The following SRPX variants were observed in gnomAD, a reference collection of about 807,000 sequenced individuals.
SRPX encodes sushi repeat containing protein X-linked.
A neutral mutation model predicts 38.1 loss-of-function variants in SRPX; 24 were observed. The observed-to-expected ratio is 0.63, with a 90% CI of 0.46 to 0.89. SRPX has a LOEUF of 0.89. Ranked by LOEUF, SRPX falls within the 40% of genes least tolerant of loss-of-function variation. SRPX has a pLI of 0.00. For synonymous variants in SRPX, 184 were observed against 153.8 expected (o/e 1.20, Z -1.45); for missense variants, 416 against 377.8 (o/e 1.10, Z -0.84).
chrX:38,159,967 A>G (rs778039972), intron 7 of SRPX, 50 bp downstream of exon 7: 51 of 1,167,170 alleles, frequency 4.4e-5, no homozygotes, highest in Non-Finnish European at 5.9e-5. Flanking sequence ...GGAATCAAGA[A>G]CCAAGGGGTT....
chrX:38,157,976 C>T (rs1016700838), intron 7 of SRPX, among the ~76,000 whole-genome samples: 4 of 112,372 alleles, frequency 3.6e-5, no homozygotes, highest in African/African-American at 1.3e-4. Flanking sequence ...CTTTCATAGC[C>T]AGGAAAGAAA....
intron 1 of SRPX, among the ~76,000 whole-genome samples, chrX:38,194,863 G>GTTTTTTT (rs35179239): frequency 1.9e-4 from 10 of 53,668 alleles, no homozygotes; most frequent in Non-Finnish European, 2.6e-4. Context: ...TTTGTTTTTG[G>GTTTTTTT]TTTTTTTTTT....
intron 1 of SRPX, among the ~76,000 whole-genome samples, chrX:38,178,990 A>C (rs1938619243): frequency 1.1e-5 from 1 of 89,737 alleles, no homozygotes; most frequent in Admixed American, 1.5e-4. Flanking sequence ...CTCTGTTGCT[A>C]GGCTGGAGTG....
At chrX:38,188,227 G>T (rs908798609) in intron 1 of SRPX, among the ~76,000 whole-genome samples, 3 of 112,026 alleles carry the variant, frequency 2.7e-5, no homozygotes, top group African/African-American at 9.7e-5. Context: ...GCTAATCATG[G>T]GGAATGAACT....
In SRPX at chrX:38,160,029, G is replaced by A. The variant is rs761722750; in HGVS notation, c.943C>T (p.Pro315Ser). 7 of 1,210,360 alleles carry A rather than the reference G, an allele frequency of 5.8e-6. No homozygotes were observed. Among genetic ancestry groups the A allele is most frequent in the Non-Finnish European group, 7.8e-6 (7 of 894,710 alleles). ...QSNLAWSGTE[P>S]TCAAMNVNVG... ...GCGGCATACCTACCTGCACAGGTGG[G>A]CTCCGTGCCAGACCAAGCCAGGTTG... Residue 315 changes from proline to serine, a missense_variant, in exon 7 of 10, where the codon CCC becomes TCC. Transcript: ENST00000378533.
At chrX:38,181,377 T>G (rs1001735654) in intron 1 of SRPX, among the ~76,000 whole-genome samples, 1 of 112,450 alleles carries the variant, frequency 8.9e-6, no homozygotes, top group Non-Finnish European at 1.9e-5. Context: ...CTAGATTCCC[T>G]TATCCCTAGG....
chrX:38,199,397 C>T (rs1297866504), intron 1 of SRPX, among the ~76,000 whole-genome samples: 1 of 97,657 alleles, frequency 1.0e-5, no homozygotes. Context: ...CAGAGCGAGA[C>T]TCCATCTCAA....
chrX:38,216,138 G>A (rs1350486835), intron 1 of SRPX, among the ~76,000 whole-genome samples: 1 of 111,292 alleles, frequency 9.0e-6, no homozygotes, highest in Non-Finnish European at 1.9e-5. Flanking sequence ...ACTTTTCTTG[G>A]GCCTTTAGTG....
chrX:38,159,885 G>A (rs1449969674), intron 7 of SRPX, 132 bp downstream of exon 7: 2 of 721,210 alleles, frequency 2.8e-6, no homozygotes, highest in Admixed American at 3.7e-5. Flanking sequence ...TAGGGACTAT[G>A]TTCATCCACT....
chrX:38,196,866 C>T (rs772183078), intron 1 of SRPX, among the ~76,000 whole-genome samples: 1 of 112,282 alleles, frequency 8.9e-6, no homozygotes, highest in African/African-American at 3.2e-5. Context: ...CCACAGACTC[C>T]TGCCTTTTTT....
chrX:38,214,486 C>T (rs1939393474), intron 1 of SRPX, among the ~76,000 whole-genome samples: 5 of 111,464 alleles, frequency 4.5e-5, no homozygotes, highest in Admixed American at 1.9e-4. Context: ...CCTGCTAGAC[C>T]ATGAGAATAC....
intron 6 of SRPX, 142 bp downstream of exon 6, chrX:38,160,791 C>T: frequency 1.3e-6 from 1 of 743,855 alleles, no homozygotes; most frequent in Non-Finnish European, 1.9e-6. Flanking sequence ...TAGGGCACTT[C>T]CCCAAGCCTT....
chrX:38,184,923 A>G (rs1452297444), intron 1 of SRPX, among the ~76,000 whole-genome samples: 1 of 112,460 alleles, frequency 8.9e-6, no homozygotes, highest in African/African-American at 3.2e-5. Context: ...CTATGTGGTT[A>G]TTAAGCATTT....
chrX:38,193,168 G>C (rs1938937904), intron 1 of SRPX, among the ~76,000 whole-genome samples: 1 of 110,865 alleles, frequency 9.0e-6, no homozygotes, highest in Non-Finnish European at 1.9e-5. Context: ...ACTGCCTTGG[G>C]TGATTTACAT....
chrX:38,195,020 G>A (rs1415576356), intron 1 of SRPX, among the ~76,000 whole-genome samples: 3 of 108,155 alleles, frequency 2.8e-5, no homozygotes, highest in Admixed American at 9.9e-5. Context: ...TTACAGGCAC[G>A]TGCCACCACG....
chrX:38,197,253 GC>G (rs1939015351), intron 1 of SRPX, among the ~76,000 whole-genome samples: 1 of 112,282 alleles, frequency 8.9e-6, no homozygotes, highest in South Asian at 3.7e-4. Context: ...TCCCTGGCAG[GC>G]TTGGGAAAGA....
intron 1 of SRPX, among the ~76,000 whole-genome samples, chrX:38,181,101 A>G (rs1938663638): frequency 8.9e-6 from 1 of 112,367 alleles, no homozygotes; most frequent in Non-Finnish European, 1.9e-5. Flanking sequence ...GAGACCTCTT[A>G]CCCTTTCCTA....
Position 38,160,948 on chromosome X carries a change from G to A in SRPX, c.760C>T (p.Arg254Ter), listed in dbSNP as rs751611641. Residue 254 changes from arginine (R) to a stop codon, truncating the protein, a stop_gained, in exon 6 of 10, where the codon CGA becomes TGA. Coordinates refer to ENST00000378533, the MANE Select transcript of SRPX (RefSeq NM_006307.5). LOFTEE classifies it high-confidence loss of function. Reference sequence around the variant, plus strand: ...GTACTCTTACCTCTTACTTTAACTCGAAATTTGCAAGTGCCCTTATTCTCA... The same window carrying A: ...GTACTCTTACCTCTTACTTTAACTCAAAATTTGCAAGTGCCCTTATTCTCA... ...RAENKGTCKF[R>*]VKVRVKRCGK... 4.1e-6 allele frequency: 5 copies of A among 1,207,080 alleles called. No homozygotes were observed. The highest frequency in any genetic ancestry group is 3.0e-5 in the East Asian group (1 of 33,746).
At chrX:38,161,564 G>A (rs1938264202) in intron 5 of SRPX, among the ~76,000 whole-genome samples, 1 of 111,766 alleles carries the variant, frequency 8.9e-6, no homozygotes, top group African/African-American at 3.3e-5. Flanking sequence ...CAAGTTCTCT[G>A]TGATTCCTTG....
Sources: gnomAD v4.1 joint callset for allele counts (sites outside exome capture counted in the v4.1 genomes callset) on GRCh38, gnomAD v4.1.1 for gene constraint, MANE v1.5 for transcripts, NCBI Gene and HGNC (gene_info 2026-07-23, HGNC 2026-07-21) for gene names.